The following ACLY variants were observed in gnomAD, a reference collection of about 807,000 sequenced individuals.
The protein encoded by ACLY is ATP-citrate synthase.
In ACLY, 41 loss-of-function variants were observed where a neutral mutation model predicts 133.0. That is an observed-to-expected ratio of 0.31 (90% confidence interval 0.24 to 0.40). The LOEUF is 0.40. ACLY is among the 10% of genes least tolerant of loss of function. ACLY has a pLI of 1.00. For synonymous variants in ACLY, 495 were observed against 549.3 expected, an observed-to-expected ratio of 0.90 and a Z score of 1.38; for missense variants, 1,046 against 1,453.8, an observed-to-expected ratio of 0.72 and a Z score of 4.56.
At chr17:41,920,373 G>A (rs2050162587), upstream of ACLY, among the ~76,000 whole-genome samples, 1 of 151,950 alleles carries the variant, frequency 6.6e-6, no homozygotes. Context: ...GCCAAGGTGG[G>A]GGATCACTTG....
chr17:41,915,833 G>A (rs1227424289), intron 1 of ACLY, among the ~76,000 whole-genome samples: 2 of 152,120 alleles, frequency 1.3e-5, no homozygotes, highest in Non-Finnish European at 2.9e-5. Context: ...GCAGCCCAGG[G>A]CAGATCAAGG....
At chr17:41,878,685 A>G (rs2048825506) in intron 21 of ACLY, 112 bp downstream of exon 21, 4 of 1,347,104 alleles carry the variant, frequency 3.0e-6, no homozygotes, top group South Asian at 1.3e-5. Context: ...CAGCTGCGCT[A>G]GACACCGAGA....
intron 22 of ACLY, among the ~76,000 whole-genome samples, chr17:41,875,607 G>C (rs1555625958): frequency 2.0e-5 from 3 of 152,200 alleles, no homozygotes; most frequent in African/African-American, 7.2e-5. Flanking sequence ...ACGCCTGACT[G>C]GTTTTCGTAT....
intron 6 of ACLY, among the ~76,000 whole-genome samples, chr17:41,907,932 A>C (rs558721324): frequency 6.6e-6 from 1 of 152,242 alleles, no homozygotes; most frequent in East Asian, 1.9e-4. Flanking sequence ...TTAAAGGTAC[A>C]TGTTGCTGAC....
chr17:41,876,050 C>T (rs1167345531), intron 22 of ACLY, among the ~76,000 whole-genome samples: 2 of 151,172 alleles, frequency 1.3e-5, no homozygotes, highest in African/African-American at 2.4e-5. Flanking sequence ...CGTCTCTGCC[C>T]GGCCGCCCAT....
At chr17:41,918,975 G>C (rs1555635006), upstream of ACLY, 1 of 1,288,646 alleles carries the variant, frequency 7.8e-7, no homozygotes. Context: ...CCGGGATCCG[G>C]CTTTTGTCCC....
intron 13 of ACLY, 63 bp downstream of exon 13, chr17:41,897,686 G>T: frequency 6.8e-7 from 1 of 1,468,650 alleles, no homozygotes; most frequent in South Asian, 1.2e-5. Flanking sequence ...GGAAAGGGGA[G>T]AGAGATACAG....
intron 18 of ACLY, 78 bp from the exon 19 acceptor site, chr17:41,884,352 T>G: frequency 1.1e-6 from 1 of 930,176 alleles, no homozygotes. Context: ...GGAAGCACAC[T>G]TGTACTGGGT....
chr17:41,907,955 A>C (rs1033235131), intron 6 of ACLY, among the ~76,000 whole-genome samples: 1 of 152,106 alleles, frequency 6.6e-6, no homozygotes. Context: ...AAGACCCCCC[A>C]CCGGTATGCA....
At chr17:41,877,640 T>C (rs2048798745) in intron 22 of ACLY, among the ~76,000 whole-genome samples, 1 of 152,112 alleles carries the variant, frequency 6.6e-6, no homozygotes, top group Non-Finnish European at 1.5e-5. Flanking sequence ...TGTGTAGGTG[T>C]TGCTAAAAGA....
At chr17:41,895,362 C>T (rs1555630135) in intron 14 of ACLY, among the ~76,000 whole-genome samples, 2 of 152,194 alleles carry the variant, frequency 1.3e-5, no homozygotes, top group Admixed American at 1.3e-4. Flanking sequence ...TACCAACCTA[C>T]CAGCATCTCC....
At chr17:41,929,417 G>A (rs2050286675) in intron 1 of ACLY, among the ~76,000 whole-genome samples, 1 of 152,040 alleles carries the variant, frequency 6.6e-6, no homozygotes, top group African/African-American at 2.4e-5. Context: ...TACGTCTACT[G>A]GGCTCCACCA....
intron 10 of ACLY, among the ~76,000 whole-genome samples, chr17:41,904,287 GGAAAGGGAGGGAGGAAA>G (rs2049634994): frequency 8.2e-6 from 1 of 121,886 alleles, no homozygotes; most frequent in African/African-American, 3.2e-5. Context: ...GAGGGAGGAA[GGAAAGGGAGGGAGGAAA>G]GAAAGGGAAG....
intron 2 of ACLY, 34 bp downstream of exon 2, chr17:41,913,681 T>G: frequency 6.2e-7 from 1 of 1,608,234 alleles, no homozygotes; most frequent in Non-Finnish European, 8.5e-7. Flanking sequence ...ACCCCGGGCC[T>G]GGAAGAAAGG....
intron 1 of ACLY, among the ~76,000 whole-genome samples, chr17:41,918,676 G>C (rs1301540646): frequency 2.0e-5 from 3 of 152,174 alleles, no homozygotes; most frequent in Non-Finnish European, 4.4e-5. Context: ...TGTCGCGCGG[G>C]GGGAGGGGAG....
chr17:41,872,325 A>C, intron 23 of ACLY, 143 bp from the exon 24 acceptor site: 1 of 733,774 alleles, frequency 1.4e-6, no homozygotes, highest in Non-Finnish European at 2.2e-6. Flanking sequence ...CTAAGGCAAA[A>C]CCTCCTGATT....
At chr17:41,897,993 G>A (rs570748929) in intron 12 of ACLY, among the ~76,000 whole-genome samples, 154 bp from the exon 13 acceptor site, 1 of 152,210 alleles carries the variant, frequency 6.6e-6, no homozygotes, top group Non-Finnish European at 1.5e-5. Context: ...AATCCTCTAA[G>A]ATACGAATTA....
chr17:41,923,446 CTAAG>C (rs2050205430), upstream of ACLY, among the ~76,000 whole-genome samples: 1 of 152,236 alleles, frequency 6.6e-6, no homozygotes, highest in African/African-American at 2.4e-5. Flanking sequence ...CTTGAGCTAA[CTAAG>C]TGTTTTCATC....
At chr17:41,875,559 AGCCTGCCGAGT>A (rs1555625948) in intron 22 of ACLY, among the ~76,000 whole-genome samples, 1 of 151,988 alleles carries the variant, frequency 6.6e-6, no homozygotes, top group Non-Finnish European at 1.5e-5. Flanking sequence ...CTCCTGCCTC[AGCCTGCCGAGT>A]GCCTGCGATT....
Sources: allele counts gnomAD v4.1 joint callset (sites outside exome capture counted in the v4.1 genomes callset), GRCh38; gene constraint gnomAD v4.1.1; transcripts MANE v1.5; gene names NCBI Gene and HGNC (gene_info 2026-07-23, HGNC 2026-07-21).